Variants in ADAM22 observed in about 807,000 individuals in gnomAD.
ADAM22 encodes the protein disintegrin and metalloproteinase domain-containing protein 22.
A neutral mutation model predicts 144.6 loss-of-function variants in ADAM22; 65 were observed. The observed-to-expected ratio is 0.45, with a 90% CI of 0.37 to 0.55. The LOEUF (loss-of-function observed/expected upper bound fraction) is 0.55. Among genes scored for constraint, ADAM22 ranks in the 20% least tolerant of loss-of-function variants. ADAM22 has a pLI of 0.00. For synonymous variants in ADAM22, 391 were observed against 412.6 expected (o/e 0.95, Z 0.63); for missense variants, 974 against 1,184.9 (o/e 0.82, Z 2.61).
At chr7:88,069,433 A>G (rs1235849157) in intron 3 of ADAM22, among the ~76,000 whole-genome samples, 2 of 152,198 alleles carry the variant, frequency 1.3e-5, no homozygotes, top group African/African-American at 4.8e-5. Context: ...ACAGACTAAG[A>G]CACACAATAT....
intron 10 of ADAM22, among the ~76,000 whole-genome samples, 186 bp downstream of exon 10, chr7:88,130,645 G>C (rs1437741035): frequency 6.6e-6 from 1 of 152,086 alleles, no homozygotes; most frequent in Non-Finnish European, 1.5e-5. Context: ...AAGAGGAACT[G>C]GTCGAAGTTA....
intron 3 of ADAM22, among the ~76,000 whole-genome samples, chr7:88,042,722 G>A (rs1299085606): frequency 6.6e-6 from 1 of 151,600 alleles, no homozygotes; most frequent in East Asian, 1.9e-4. Context: ...TCCTGAACTT[G>A]TTCAGGTCAG....
intron 2 of ADAM22, among the ~76,000 whole-genome samples, chr7:87,966,724 T>TG (rs1849150940): frequency 2.5e-5 from 3 of 120,290 alleles, no homozygotes; most frequent in African/African-American, 9.8e-5. Context: ...GAAAGCCGTT[T>TG]TTTTTTTTTT....
chr7:87,996,096 C>T (rs1352570787), intron 3 of ADAM22, among the ~76,000 whole-genome samples: 2 of 152,144 alleles, frequency 1.3e-5, no homozygotes, highest in African/African-American at 4.8e-5. Context: ...GGGACACGGC[C>T]GTGCACCAGG....
chr7:88,037,247 T>A (rs1031507383), intron 3 of ADAM22, among the ~76,000 whole-genome samples: 2 of 152,174 alleles, frequency 1.3e-5, no homozygotes, highest in Non-Finnish European at 2.9e-5. Context: ...TTGAGATGTT[T>A]TTGACATCTG....
intron 3 of ADAM22, among the ~76,000 whole-genome samples, chr7:88,066,401 C>T (rs1433730497): frequency 6.6e-6 from 1 of 151,928 alleles, no homozygotes; most frequent in African/African-American, 2.4e-5. Flanking sequence ...TTGAAGTAGC[C>T]ATTTAAGAAG....
At chr7:88,118,084 C>T (rs909811547) in intron 7 of ADAM22, among the ~76,000 whole-genome samples, 1 of 152,090 alleles carries the variant, frequency 6.6e-6, no homozygotes, top group Non-Finnish European at 1.5e-5. Flanking sequence ...AAACAGAGCT[C>T]AGCTAGTTTG....
intron 2 of ADAM22, among the ~76,000 whole-genome samples, chr7:87,959,002 A>T (rs1847443371): frequency 6.6e-6 from 1 of 152,036 alleles, no homozygotes; most frequent in South Asian, 2.1e-4. Flanking sequence ...TCCTATTTAG[A>T]TCCTTAATGA....
intron 2 of ADAM22, among the ~76,000 whole-genome samples, chr7:87,966,105 A>G (rs1404536390): frequency 1.3e-5 from 2 of 152,228 alleles, no homozygotes; most frequent in African/African-American, 4.8e-5. Flanking sequence ...GATGAAGATG[A>G]AAGTTTTCCT....
chr7:88,116,826 A>T lies in ADAM22; in HGVS notation c.607+12A>T. ...TGATCTTCCATCTGGTATGATGTTC[A>T]TATAGTGACTTTTTATCTAAAAGAC... On this transcript the variant is annotated intron_variant, in intron 7 of 31. Coordinates refer to ENST00000413139, the MANE Select transcript of ADAM22 (RefSeq NM_001324418.2). 1 of 1,594,582 alleles carries T rather than the reference A, an allele frequency of 6.3e-7. No individual in the cohort carries two copies. Among genetic ancestry groups the T allele is most frequent in the South Asian group, 1.1e-5 (1 of 90,520 alleles).
At chr7:87,955,987 A>G (rs566043087) in intron 2 of ADAM22, among the ~76,000 whole-genome samples, 102 of 152,298 alleles carry the variant, frequency 6.7e-4, no homozygotes, top group African/African-American at 2.2e-3. Context: ...GGAAAAGCGC[A>G]GTATTCGGGT....
At chr7:88,189,760 A>G (rs1247154447) in intron 30 of ADAM22, among the ~76,000 whole-genome samples, 2 of 152,142 alleles carry the variant, frequency 1.3e-5, no homozygotes, top group Non-Finnish European at 2.9e-5. Flanking sequence ...CCTGGCCAAC[A>G]TGGTGAAACC....
intron 3 of ADAM22, among the ~76,000 whole-genome samples, chr7:88,013,023 A>G (rs1462671785): frequency 2.0e-4 from 30 of 152,188 alleles, no homozygotes; most frequent in Admixed American, 2.0e-3. Flanking sequence ...AGAACATGGT[A>G]AAGTTCCCGG....
rs756554387 is a variant in ADAM22 at position 88,179,008 on chromosome 7, G to A, written c.2374G>A (p.Val792Ile). The change falls in exon 27 of 32, where the codon GTC (valine) becomes ATC (isoleucine). Residue 792 changes from valine (V) to isoleucine (I), a missense_variant. Around this residue, in one of 2 missense-constraint regions of ADAM22, gnomAD observed 734 missense variants for 950.6 expected, o/e 0.77. Coordinates refer to ENST00000413139, the MANE Select transcript of ADAM22 (RefSeq NM_001324418.2). Reference protein sequence around the residue: ...DSFYSDIPPGVSTNSASSSKK... With the variant: ...DSFYSDIPPGISTNSASSSKK... ...TTTTTATAGCGACATTCCTCCCGGA[G>A]TCAGCACAAACTCAGCATCTAGTTC... 13 of 1,613,482 alleles carry A rather than the reference G, an allele frequency of 8.1e-6. No individual in the cohort carries two copies. The highest frequency in any genetic ancestry group is 5.5e-5 in the South Asian group (5 of 91,046).
At chr7:88,016,727 A>C (rs905762638) in intron 3 of ADAM22, among the ~76,000 whole-genome samples, 3 of 152,180 alleles carry the variant, frequency 2.0e-5, no homozygotes, top group African/African-American at 4.8e-5. Context: ...AGCTAAAAAA[A>C]GTTGAGCTCA....
intron 3 of ADAM22, among the ~76,000 whole-genome samples, chr7:88,053,636 GAA>G (rs1491405528): frequency 1.4e-4 from 19 of 139,444 alleles, no homozygotes; most frequent in South Asian, 4.7e-4. Flanking sequence ...AAGAAAGAAA[GAA>G]AGAAAGAAAG....
chr7:88,123,548 T>C (rs1052217790), intron 7 of ADAM22, among the ~76,000 whole-genome samples: 4 of 152,062 alleles, frequency 2.6e-5, no homozygotes, highest in Admixed American at 2.6e-4. Context: ...ATCTATAGAA[T>C]CTGTAGTGAT....
At position 88,140,924 on chromosome 7, in the gene ADAM22, T is replaced by C. The variant is rs146156243; in HGVS notation, c.1221-2102T>C. On this transcript the variant is annotated intron_variant, in intron 14 of 31. Transcript: ENST00000413139. The stretch of plus-strand genomic sequence containing the variant: ...TCTGAGAGTATTCACTAGACGAGTG[T>C]CTTCCTGAGGGAAAGCAACAGGAGG... Among the ~76,000 whole-genome samples, 439 of 152,212 alleles carry C rather than the reference T, an allele frequency of 2.9e-3. 2 individuals are homozygous for C. The highest frequency in any genetic ancestry group is 0.01 in the African/African-American group (419 of 41,524).
chr7:88,152,312 A>G (rs556588076), intron 20 of ADAM22, among the ~76,000 whole-genome samples: 1 of 152,306 alleles, frequency 6.6e-6, no homozygotes, highest in African/African-American at 2.4e-5. Context: ...ATTTTGTCCT[A>G]ATTCTTAGAT....
Sources: gnomAD v4.1 joint callset for allele counts (sites outside exome capture counted in the v4.1 genomes callset) on GRCh38, gnomAD v4.1.1 for gene constraint, gnomAD v4.1.1 regional missense constraint, MANE v1.5 for transcripts, NCBI Gene and HGNC (gene_info 2026-07-23, HGNC 2026-07-21) for gene names.